ARHGAP23: variants seen among roughly 807,000 people sequenced by gnomAD.
ARHGAP23 encodes the protein rho GTPase-activating protein 23.
In ARHGAP23, 34 loss-of-function variants were observed where a neutral mutation model predicts 136.3. The ratio of observed to expected loss-of-function variants is 0.25; its 90% CI spans 0.19 to 0.33. The LOEUF (loss-of-function observed/expected upper bound fraction) is 0.33, where lower values mean the gene tolerates loss of function less well. Ranked by LOEUF, ARHGAP23 falls within the 10% of genes least tolerant of loss-of-function variation. ARHGAP23 has a pLI of 1.00. For missense variants in ARHGAP23, 1,808 were observed against 2,139.0 expected, an observed-to-expected ratio of 0.85 and a Z score of 3.05; for synonymous variants, 832 against 920.5, an observed-to-expected ratio of 0.90 and a Z score of 1.74.
At chr17:38,509,033 GGGAA>G (rs2144825477) in intron 23 of ARHGAP23, among the ~76,000 whole-genome samples, 1 of 130,096 alleles carries the variant, frequency 7.7e-6, no homozygotes, top group African/African-American at 2.8e-5. Context: ...GGGAAGGCAG[GGGAA>G]GGCAGGGGCG....
chr17:38,471,645 G>A (rs140712361), intron 10 of ARHGAP23, among the ~76,000 whole-genome samples: 10 of 152,334 alleles, frequency 6.6e-5, no homozygotes, highest in African/African-American at 1.7e-4. Flanking sequence ...CTGACAGGTC[G>A]TAGCCTTTCC....
intron 1 of ARHGAP23, among the ~76,000 whole-genome samples, chr17:38,449,631 C>T (rs1222662919): frequency 6.6e-6 from 1 of 152,132 alleles, no homozygotes; most frequent in African/African-American, 2.4e-5. Context: ...TATCGCATTG[C>T]CTGCATGCCT....
chr17:38,463,045 T>G, intron 4 of ARHGAP23, 73 bp from the exon 5 acceptor site: 2 of 1,536,214 alleles, frequency 1.3e-6, no homozygotes, highest in Non-Finnish European at 1.8e-6. Context: ...GTGTTAGCCA[T>G]GCCTGGTACA....
chr17:38,428,867 C>T (rs2038621781), intron 1 of ARHGAP23, among the ~76,000 whole-genome samples: 1 of 152,250 alleles, frequency 6.6e-6, no homozygotes, highest in Admixed American at 6.5e-5. Context: ...GGGCGGGAGG[C>T]CCGCGGCTTT....
chr17:38,455,224 G>A (rs978932199), intron 1 of ARHGAP23, among the ~76,000 whole-genome samples: 1 of 152,254 alleles, frequency 6.6e-6, no homozygotes, highest in African/African-American at 2.4e-5. Flanking sequence ...GGTTAAACAA[G>A]GAAGAACTTC....
At chr17:38,470,816 C>T (rs548667196) in intron 10 of ARHGAP23, among the ~76,000 whole-genome samples, 19 of 152,296 alleles carry the variant, frequency 1.2e-4, no homozygotes, top group African/African-American at 4.3e-4. Flanking sequence ...GGATTACAGG[C>T]GTGAGCCACC....
At chr17:38,480,188 C>A (rs1216176904) in intron 14 of ARHGAP23, among the ~76,000 whole-genome samples, 7 of 152,162 alleles carry the variant, frequency 4.6e-5, no homozygotes, top group Admixed American at 4.6e-4. Context: ...TCCCATTTCA[C>A]TCACCTTTGG....
In ARHGAP23 at chr17:38,510,809, C is replaced by T; in HGVS notation, c.4313C>T (p.Ala1438Val). ...CCCCCGGAGCCTGCGGGCGCGCGGGCGCACAGTGACAACAAGGACTCCGGA... is the reference window on the plus strand; with the variant it reads ...CCCCCGGAGCCTGCGGGCGCGCGGGTGCACAGTGACAACAAGGACTCCGGA... ...GGPPEPAGAR[A>V]HSDNKDSGLS... The change falls in exon 24 of 24, where the codon GCG becomes GTG. Residue 1438 changes from alanine to valine, a missense_variant. Physicochemically the swap from Ala to Val is moderately conservative, Grantham distance 64. Coordinates refer to ENST00000622683, the MANE Select transcript of ARHGAP23 (RefSeq NM_001199417.2). The surrounding 1 kb of genome is among the most constrained non-coding windows in gnomAD (Gnocchi z 4.6). The T allele has an allele frequency of 6.6e-7, 1 of 1,507,200 alleles. No homozygotes were observed. Among genetic ancestry groups the T allele is most frequent in the East Asian group, 2.8e-5 (1 of 35,948 alleles). 93.4% of individuals were successfully genotyped at this position (1,507,200 alleles called of 1,614,324 possible). A position where few individuals can be genotyped will look rare whatever the true frequency, so the allele number is the denominator to read the frequency against.
Position 38,501,534 on chromosome 17 carries a change from C to T in ARHGAP23, c.3447+906C>T, listed in dbSNP as rs1006896606. On this transcript the variant is annotated intron_variant, in intron 23 of 23. Coordinates refer to ENST00000622683, the MANE Select transcript of ARHGAP23 (RefSeq NM_001199417.2). ...GCCAGGATGGTCTTGATCTCCTGAC[C>T]GCGTGATCCGTCCCCCTTGGCCTCC... Among the ~76,000 whole-genome samples the T allele has an allele frequency of 2.0e-4, 30 of 146,410 alleles. No individual in the cohort carries two copies. The East Asian group carries it at 3.2e-3, about 16-fold the overall frequency.
Position 38,510,172 on chromosome 17 carries a change from CCCGGACGCCTCAGTCCCCCGGCGGCG to C in ARHGAP23, c.3682_3707del (p.Arg1228GlyfsTer29). ...GCCTGGCGCCGTCGCCCCCGAGGCC[CCCGGACGCCTCAGTCCCCCGGCGGCG>C]CCGGAGGAGCGGCCGGCCGCGGACA... On this transcript the variant is annotated frameshift_variant, in exon 24 of 24. Transcript: ENST00000622683. LOFTEE classifies it high-confidence loss of function. The surrounding 1 kb of genome is among the most constrained non-coding windows in gnomAD (Gnocchi z 4.6). 7.6e-7 allele frequency: 1 copy of C among 1,309,664 alleles called. No homozygotes were observed. The allele number at this position is 1,309,664 out of a possible 1,614,324, so 81.1% of individuals were successfully genotyped here. A position where few individuals can be genotyped will look rare whatever the true frequency, so the allele number is the denominator to read the frequency against.
rs921472918 is a variant in ARHGAP23 at position 38,510,853 on chromosome 17, A to G, written c.4357A>G (p.Thr1453Ala). The change falls in exon 24 of 24, where the codon ACC (threonine) becomes GCC (alanine). Residue 1453 changes from threonine to alanine, a missense_variant. This residue lies in a region of ARHGAP23 where 506 missense variants were observed against 455.8 expected (regional missense o/e 1.11). Transcript: ENST00000622683. The surrounding 1 kb of genome is among the most constrained non-coding windows in gnomAD (Gnocchi z 4.6). ...KDSGLSSLES[T>A]KARAPSSAAS... ...CTCCGGACTCAGCAGCCTGGAGTCC[A>G]CCAAGGCGCGGGCCCCGTCGTCCGC... The G allele has an allele frequency of 6.6e-7, 1 of 1,505,728 alleles. No homozygotes were observed. The highest frequency in any genetic ancestry group is 1.4e-5 in the African/African-American group (1 of 69,010). 93.3% of individuals were successfully genotyped at this position (1,505,728 alleles called of 1,614,324 possible). A position where few individuals can be genotyped will look rare whatever the true frequency, so the allele number is the denominator to read the frequency against.
upstream of ARHGAP23, among the ~76,000 whole-genome samples, chr17:38,426,308 C>T (rs1380231021): frequency 2.0e-5 from 3 of 151,620 alleles, no homozygotes; most frequent in East Asian, 3.9e-4. Flanking sequence ...TTTAGGAGGC[C>T]GAGGAGGGTG....
chr17:38,486,163 G>T, intron 17 of ARHGAP23, 23 bp downstream of exon 17: 1 of 1,544,830 alleles, frequency 6.5e-7, no homozygotes, highest in African/African-American at 1.4e-5. Context: ...TGGAAGTGGG[G>T]CGGGGAGGGG....
chr17:38,501,482 T>C (rs2040518676), intron 23 of ARHGAP23, among the ~76,000 whole-genome samples: 1 of 152,032 alleles, frequency 6.6e-6, no homozygotes, highest in Non-Finnish European at 1.5e-5. Context: ...TTTGTATTTT[T>C]AGTGGAGACG....
At chr17:38,479,330 T>C in intron 12 of ARHGAP23, 106 bp from the exon 13 acceptor site, 3 of 881,884 alleles carry the variant, frequency 3.4e-6, no homozygotes, top group Non-Finnish European at 1.8e-6. Context: ...GGGTCTGGGC[T>C]GTCCACCTGG....
At chr17:38,419,580 T>TCACACACACACACACA (rs60358190) in intron 1 of ARHGAP23, among the ~76,000 whole-genome samples, 2 of 143,078 alleles carry the variant, frequency 1.4e-5, no homozygotes, top group African/African-American at 5.2e-5. Flanking sequence ...GACACAGAGC[T>TCACACACACACACACA]CACACACACA....
At chr17:38,471,583 G>A (rs762879400) in intron 10 of ARHGAP23, among the ~76,000 whole-genome samples, 1 of 152,202 alleles carries the variant, frequency 6.6e-6, no homozygotes, top group Non-Finnish European at 1.5e-5. Flanking sequence ...AGTCTATAAA[G>A]TTATGGGAGG....
intron 11 of ARHGAP23, among the ~76,000 whole-genome samples, chr17:38,473,776 G>A (rs1187102777): frequency 1.3e-5 from 2 of 152,024 alleles, no homozygotes; most frequent in Non-Finnish European, 2.9e-5. Flanking sequence ...GCCTGACAGG[G>A]AAGATGTCTC....
Position 38,506,869 on chromosome 17 carries a change from G to A in ARHGAP23, c.3448-3075G>A, listed in dbSNP as rs748934741. ...GGCTGGTGGAACTGGGCTCATTTCT[G>A]TCTGGGTCTCTGAGCACTGCACTGG... On this transcript the variant is annotated intron_variant, in intron 23 of 23. Coordinates refer to ENST00000622683, the MANE Select transcript of ARHGAP23 (RefSeq NM_001199417.2). Among the ~76,000 whole-genome samples the A allele has an allele frequency of 2.6e-5, 4 of 152,174 alleles. No individual in the cohort carries two copies. In the South Asian group the frequency reaches 6.2e-4, roughly 24 times the overall value.
Sources: gnomAD v4.1 joint callset for allele counts (sites outside exome capture counted in the v4.1 genomes callset) on GRCh38, gnomAD v4.1.1 for gene constraint, gnomAD v4.1.1 regional missense constraint, Gnocchi (gnomAD v3.1) non-coding constraint, MANE v1.5 for transcripts, NCBI Gene and HGNC (gene_info 2026-07-23, HGNC 2026-07-21) for gene names.